The following GATA5 variants were observed in gnomAD, a reference collection of about 807,000 sequenced individuals.
The protein encoded by GATA5 is transcription factor GATA-5.
GATA5 carries 27 observed loss-of-function variants against 35.0 expected under a neutral mutation model. The ratio of observed to expected loss-of-function variants is 0.77; its 90% confidence interval spans 0.57 to 1.06. The LOEUF (loss-of-function observed/expected upper bound fraction) is 1.06, where lower values mean the gene tolerates loss of function less well. Ranked by LOEUF, GATA5 falls within the 50% of genes least tolerant of loss-of-function variation. The pLI is 0.00. For synonymous variants in GATA5, 306 were observed against 267.8 expected (o/e 1.14, Z -1.39); for missense variants, 612 against 580.0 (o/e 1.06, Z -0.57).
intron 4 of GATA5, 143 bp downstream of exon 4, chr20:62,466,283 G>T: frequency 1.0e-6 from 1 of 987,668 alleles, no homozygotes; most frequent in Non-Finnish European, 1.5e-6. Flanking sequence ...CAGTCGGCCG[G>T]CCGGGACATG....
chr20:62,473,543 G>A lies in GATA5; in HGVS notation c.559C>T (p.Arg187Cys). The A allele has an allele frequency of 6.2e-7, 1 of 1,605,018 alleles. No individual in the cohort carries two copies. ...AGGGCCCCGCAGTTGACACACTCACGACCCTCACCCGGGAACTCCTCCAAG... is the reference window on the plus strand; with the variant it reads ...AGGGCCCCGCAGTTGACACACTCACAACCCTCACCCGGGAACTCCTCCAAG... ...DFLEEFPGEG[R>C]ECVNCGALST... Residue 187 changes from arginine to cysteine, a missense_variant, in exon 3 of 7, where the codon CGT (arginine) becomes TGT (cysteine). By Grantham distance (180) the Arg-to-Cys change is radical. Transcript: ENST00000252997.
Position 62,464,779 on chromosome 20 carries a change from T to C in GATA5, c.*57A>G. ...TGCTGGAGCAAAGCAGGCACGGAGGTGACTCAGTGGGTGGTCTGTTCCAGG... is the reference window on the plus strand; with the variant it reads ...TGCTGGAGCAAAGCAGGCACGGAGGCGACTCAGTGGGTGGTCTGTTCCAGG... On this transcript the variant is annotated 3_prime_UTR_variant, in exon 7 of 7. Transcript: ENST00000252997. The C allele has an allele frequency of 7.0e-7, 1 of 1,425,668 alleles. No homozygotes were observed. The highest frequency in any genetic ancestry group is 1.4e-5 in the South Asian group (1 of 72,424). 88.3% of individuals were successfully genotyped at this position (1,425,668 alleles called of 1,614,324 possible). A position where few individuals can be genotyped will look rare whatever the true frequency, so the allele number is the denominator to read the frequency against.
intron 3 of GATA5, among the ~76,000 whole-genome samples, chr20:62,467,357 C>T (rs1011020319): frequency 3.9e-5 from 6 of 152,292 alleles, no homozygotes; most frequent in East Asian, 3.9e-4. Flanking sequence ...TCCCACTGGC[C>T]GCACAAGTTG....
At chr20:62,466,262 G>A (rs1989583938) in intron 4 of GATA5, among the ~76,000 whole-genome samples, 164 bp downstream of exon 4, 1 of 152,250 alleles carries the variant, frequency 6.6e-6, no homozygotes, top group South Asian at 2.1e-4. Context: ...GGGCCCCCGG[G>A]GGTGGTGCCG....
At chr20:62,467,046 C>T (rs1989610983) in intron 3 of GATA5, among the ~76,000 whole-genome samples, 1 of 152,218 alleles carries the variant, frequency 6.6e-6, no homozygotes, top group Non-Finnish European at 1.5e-5. Flanking sequence ...GTCCCACCTG[C>T]CTATGTCTCC....
chr20:62,474,081 G>A (rs527535473), intron 2 of GATA5, among the ~76,000 whole-genome samples: 2 of 152,228 alleles, frequency 1.3e-5, no homozygotes, highest in South Asian at 4.2e-4. Context: ...CATGACAGGG[G>A]TGGGGGGTTG....
At chr20:62,469,150 C>T (rs1489225500) in intron 3 of GATA5, among the ~76,000 whole-genome samples, 1 of 152,226 alleles carries the variant, frequency 6.6e-6, no homozygotes, top group East Asian at 1.9e-4. Flanking sequence ...AAAGAAATCT[C>T]CCCCAGGGCT....
intron 3 of GATA5, among the ~76,000 whole-genome samples, chr20:62,472,837 G>A (rs1426812385): frequency 3.5e-5 from 5 of 144,144 alleles, no homozygotes; most frequent in Non-Finnish European, 7.7e-5. Context: ...TGAGGCAGAG[G>A]ACAGGCATAA....
At position 62,473,593 on chromosome 20, in the gene GATA5, A is replaced by G. The variant is rs782358488; in HGVS notation, c.524-15T>C. On this transcript the variant is annotated splice_polypyrimidine_tract_variant and intron_variant, in intron 2 of 6. Coordinates refer to ENST00000252997, the MANE Select transcript of GATA5 (RefSeq NM_080473.5). ...GAAGTCGGACACTGAGGGGACAGGC[A>G]GCTGGTGGGCCCGGGCCCTCCCCTC... is the stretch of plus-strand genomic sequence containing the variant. 1.9e-6 allele frequency: 3 copies of G among 1,573,342 alleles called. No individual in the cohort carries two copies. The highest frequency in any genetic ancestry group is 3.7e-5 in the Admixed American group (2 of 54,356).
At position 62,470,238 on chromosome 20, in the gene GATA5, G is replaced by A. The variant is rs1417183832; in HGVS notation, c.699+3165C>T. Reference sequence around the variant, plus strand: ...CAAGGAAGGCGGGAGAGGGAAGGAGGTTCGAGCCTGGCTTGGAGGGATGAA... The same window carrying A: ...CAAGGAAGGCGGGAGAGGGAAGGAGATTCGAGCCTGGCTTGGAGGGATGAA... On this transcript the variant is annotated intron_variant, in intron 3 of 6. Transcript: ENST00000252997. This position sits in a 1 kb window ranked among gnomAD's most constrained non-coding sequence, Gnocchi z 4.6. Among the ~76,000 whole-genome samples, 1 of 152,232 alleles carries A rather than the reference G, an allele frequency of 6.6e-6. No homozygotes were observed. Among genetic ancestry groups the A allele is most frequent in the Admixed American group, 6.5e-5 (1 of 15,288 alleles).
rs782213130 is a variant in GATA5 at position 62,466,510 on chromosome 20, G to T, written c.741C>A (p.His247Gln). 1 of 1,564,040 alleles carries T rather than the reference G, an allele frequency of 6.4e-7. No individual in the cohort carries two copies. Among genetic ancestry groups the T allele is most frequent in the East Asian group, 2.4e-5 (1 of 41,964 alleles). ...RRAGLCCTNC[H>Q]TTNTTLWRRN... is the part of the protein sequence containing the mutation. Reference sequence around the variant, plus strand: ...GCCGCCACAGCGTGGTGTTGGTCGTGTGGCAGTTGGTGCAGCAGAGGCCGG... The same window carrying T: ...GCCGCCACAGCGTGGTGTTGGTCGTTTGGCAGTTGGTGCAGCAGAGGCCGG... The change falls in exon 4 of 7, where the codon CAC becomes CAA. Residue 247 changes from histidine to glutamine, a missense_variant. By Grantham distance (24) the His-to-Gln change is conservative. Transcript: ENST00000252997.
chr20:62,466,031 CTG>C, intron 4 of GATA5, 110 bp from the exon 5 acceptor site: 1 of 803,292 alleles, frequency 1.2e-6, no homozygotes, highest in Non-Finnish European at 2.0e-6. Flanking sequence ...CTGGAGCTGG[CTG>C]TGTCCTCACA....
In GATA5 at chr20:62,465,392, G is replaced by T; in HGVS notation, c.986C>A (p.Ala329Asp). 1.2e-6 allele frequency: 2 copies of T among 1,607,686 alleles called. No individual in the cohort carries two copies. Residue 329 changes from alanine (A) to aspartate (D), a missense_variant, in exon 6 of 7, where the codon GCC (alanine) becomes GAC (aspartate). Transcript: ENST00000252997. Reference sequence around the variant, plus strand: ...CACTGGGGACGCCAGGCTGGGCTTGGCTTTCGAAGTGGCTGCTGAGCTGTC... The same window carrying T: ...CACTGGGGACGCCAGGCTGGGCTTGTCTTTCGAAGTGGCTGCTGAGCTGTC... ...STDSSAATSK[A>D]KPSLASPVCP...
At chr20:62,471,432 ATT>A (rs574764628) in intron 3 of GATA5, among the ~76,000 whole-genome samples, 8 of 81,764 alleles carry the variant, frequency 9.8e-5, no homozygotes, top group South Asian at 4.9e-4. Context: ...TTCAATTACA[ATT>A]TTTTTTTTTT....
At chr20:62,466,620 G>GA in intron 3 of GATA5, 69 bp from the exon 4 acceptor site, 1 of 1,509,428 alleles carries the variant, frequency 6.6e-7, no homozygotes, top group East Asian at 2.5e-5. Flanking sequence ...GGACGGAAGC[G>GA]AGACTCAGGT....
intron 3 of GATA5, among the ~76,000 whole-genome samples, chr20:62,468,653 C>T (rs1473325470): frequency 3.3e-5 from 5 of 152,370 alleles, no homozygotes; most frequent in East Asian, 3.9e-4. Flanking sequence ...CCAATGAGGC[C>T]GGGGAGGCTT....
Position 62,463,672 on chromosome 20 carries a change from G to A in GATA5, c.*1164C>T, listed in dbSNP as rs1211751719. 1.3e-5 allele frequency: 2 copies of A among 152,210 alleles called. No individual in the cohort carries two copies. Among genetic ancestry groups the A allele is most frequent in the Non-Finnish European group, 2.9e-5 (2 of 68,038 alleles). 9.4% of individuals were successfully genotyped at this position (152,210 alleles called of 1,614,324 possible). The stretch of plus-strand genomic sequence containing the variant: ...TTTTTCAATATGGGGTGGTGCACTG[G>A]GGGTCTAGCTGGCTCACAATGTTAA... On this transcript the variant is annotated 3_prime_UTR_variant, in exon 7 of 7. Coordinates refer to ENST00000252997, the MANE Select transcript of GATA5 (RefSeq NM_080473.5).
rs781876016 is a variant in GATA5, at chr20:62,473,418, C to G, written c.684G>C (p.Arg228=). Residue 228 remains arginine, a synonymous_variant, in exon 3 of 7, where the codon CGG becomes CGC. Transcript: ENST00000252997. ...KMNGVNRPLV[R]PQKRLSSSRR... is the part of the protein sequence containing the mutation. Reference sequence around the variant, plus strand: ...CCGAACTCACCAGGCGCTTCTGAGGCCGAACGAGCGGCCGGTTGACGCCAT... The same window carrying G: ...CCGAACTCACCAGGCGCTTCTGAGGGCGAACGAGCGGCCGGTTGACGCCAT... The G allele has an allele frequency of 3.1e-6, 5 of 1,607,500 alleles. No homozygotes were observed. Among genetic ancestry groups the G allele is most frequent in the Non-Finnish European group, 4.2e-6 (5 of 1,177,714 alleles).
chr20:62,471,531 A>G (rs1411234644), intron 3 of GATA5, among the ~76,000 whole-genome samples: 2 of 141,752 alleles, frequency 1.4e-5, no homozygotes, highest in Non-Finnish European at 3.0e-5. Flanking sequence ...TCTCAGCTCA[A>G]AAGATCCTCC....
Sources: gnomAD v4.1 joint callset for allele counts (sites outside exome capture counted in the v4.1 genomes callset) on GRCh38, gnomAD v4.1.1 for gene constraint, Gnocchi (gnomAD v3.1) non-coding constraint, MANE v1.5 for transcripts, NCBI Gene and HGNC (gene_info 2026-07-23, HGNC 2026-07-21) for gene names.